The following RYR3 variants were observed in gnomAD, a reference collection of about 807,000 sequenced individuals.
RYR3 encodes ryanodine receptor 3.
In RYR3, 207 loss-of-function variants were observed where a neutral mutation model predicts 584.3. That is an observed-to-expected ratio of 0.35 (90% CI 0.32 to 0.40). The LOEUF is 0.40. Among genes scored for constraint, RYR3 ranks in the 10% least tolerant of loss-of-function variants. RYR3 has a pLI of 1.00. For synonymous variants in RYR3, 2,416 were observed against 2,248.5 expected (o/e 1.07, Z -2.11); for missense variants, 5,616 against 6,089.2 (o/e 0.92, Z 2.59).
chr15:33,334,922 A>G (rs1359631600), intron 1 of RYR3, among the ~76,000 whole-genome samples: 1 of 152,254 alleles, frequency 6.6e-6, no homozygotes, highest in Non-Finnish European at 1.5e-5. Context: ...CAAACATGAA[A>G]AAATGCTCAA....
intron 49 of RYR3, among the ~76,000 whole-genome samples, chr15:33,737,508 C>A (rs2069605879): frequency 6.6e-6 from 1 of 152,164 alleles, no homozygotes; most frequent in Non-Finnish European, 1.5e-5. Context: ...TCCAAGCGAG[C>A]ATTTCAGGCA....
chr15:33,603,439 G>T, intron 18 of RYR3, 75 bp downstream of exon 18: 2 of 1,438,554 alleles, frequency 1.4e-6, no homozygotes, highest in Admixed American at 2.3e-5. Context: ...AAGCTGAAAT[G>T]ACCACTTCCA....
intron 38 of RYR3, among the ~76,000 whole-genome samples, chr15:33,687,353 C>G (rs560052985): frequency 6.6e-4 from 101 of 152,304 alleles, no homozygotes; most frequent in Admixed American, 2.5e-3. Flanking sequence ...ATCCAACTTA[C>G]AAGGGATGTG....
intron 1 of RYR3, among the ~76,000 whole-genome samples, chr15:33,317,817 C>T (rs1048264873): frequency 9.2e-5 from 14 of 152,114 alleles, no homozygotes; most frequent in Admixed American, 4.6e-4. Flanking sequence ...TACAGTCATA[C>T]TCTGGGCTAT....
At chr15:33,467,529 C>T (rs2048586890) in intron 1 of RYR3, 6 of 968,742 alleles carry the variant, frequency 6.2e-6, no homozygotes, top group African/African-American at 1.8e-5. Context: ...AGGCAAGATC[C>T]ATTCATTTTC....
At chr15:33,511,868 TC>T (rs1220361568) in intron 3 of RYR3, among the ~76,000 whole-genome samples, 7 of 152,280 alleles carry the variant, frequency 4.6e-5, no homozygotes, top group African/African-American at 1.4e-4. Flanking sequence ...AAGCTCCACC[TC>T]CCGGGTTCAC....
intron 12 of RYR3, among the ~76,000 whole-genome samples, chr15:33,571,753 C>T (rs1261905548): frequency 1.3e-5 from 2 of 152,038 alleles, no homozygotes; most frequent in African/African-American, 4.8e-5. Flanking sequence ...GTCTGACAAT[C>T]TCTCCCTTTC....
chr15:33,810,698 T>C lies in RYR3; in HGVS notation c.10197+49T>C, dbSNP rs776397718. ...TGAGTGTGTGATCCACATGGTGCAG[T>C]GATAAGCATTCAGCCCCTGAAGGGT... On this transcript the variant is annotated intron_variant, in intron 71 of 103. Transcript: ENST00000634891. 5.0e-6 allele frequency: 8 copies of C among 1,609,276 alleles called. No individual in the cohort carries two copies. In the African/African-American group the frequency reaches 8.0e-5, roughly 16 times the overall value.
intron 98 of RYR3, among the ~76,000 whole-genome samples, chr15:33,857,445 C>G (rs2079808467): frequency 3.3e-5 from 5 of 152,054 alleles, no homozygotes; most frequent in Admixed American, 1.3e-4. Flanking sequence ...ACTTACTCAC[C>G]TCTTTGAAGG....
chr15:33,418,625 T>C (rs180827771), intron 1 of RYR3, among the ~76,000 whole-genome samples: 4 of 152,218 alleles, frequency 2.6e-5, no homozygotes, highest in African/African-American at 9.6e-5. Flanking sequence ...CCTATAGTGA[T>C]ATGTCAATAA....
At chr15:33,738,693 G>A in intron 50 of RYR3, 103 bp downstream of exon 50, 2 of 1,283,914 alleles carry the variant, frequency 1.6e-6, no homozygotes, top group South Asian at 1.4e-5. Flanking sequence ...GCCAGGACCT[G>A]TGCTAAGTAC....
intron 15 of RYR3, among the ~76,000 whole-genome samples, chr15:33,585,453 C>CA (rs952211683): frequency 5.9e-5 from 9 of 151,336 alleles, no homozygotes; most frequent in South Asian, 2.1e-4. Context: ...TCCAGTGTGC[C>CA]AAAAAAAAGG....
rs2077017593 is a variant in RYR3, at chr15:33,819,815, C to T, written c.10758+8C>T. The T allele has an allele frequency of 6.3e-7, 1 of 1,585,216 alleles. No homozygotes were observed. Among genetic ancestry groups the T allele is most frequent in the Non-Finnish European group, 8.6e-7 (1 of 1,162,836 alleles). ...TCCAGCATGATGGCCAAGGTACACCCAGGTTTTCTGCCCATTGTCTCTGTC... is the reference window on the plus strand; with the variant it reads ...TCCAGCATGATGGCCAAGGTACACCTAGGTTTTCTGCCCATTGTCTCTGTC... On this transcript the variant is annotated splice_region_variant and intron_variant, in intron 77 of 103. Transcript: ENST00000634891.
At position 33,840,871 on chromosome 15, in the gene RYR3, C is replaced by A. The variant is rs748659946; in HGVS notation, c.13025C>A (p.Ser4342Tyr). The A allele has an allele frequency of 1.2e-6, 2 of 1,613,802 alleles. No homozygotes were observed. Among genetic ancestry groups the A allele is most frequent in the Non-Finnish European group, 1.7e-6 (2 of 1,179,812 alleles). The change falls in exon 90 of 104, where the codon TCC becomes TAC. Residue 4342 changes from serine (S) to tyrosine (Y), a missense_variant. Ser to Tyr is a moderately radical substitution (Grantham distance 144, BLOSUM62 -2). This residue lies in a region of RYR3 where 918 missense variants were observed against 887.4 expected (regional missense o/e 1.03). Coordinates refer to ENST00000634891, the MANE Select transcript of RYR3 (RefSeq NM_001036.6). Reference protein sequence around the residue: ...AANEAEGKVESEKADMEDGEK... With the variant: ...AANEAEGKVEYEKADMEDGEK... ...AATGAAGCAGAAGGAAAAGTAGAAT[C>A]CGAGAAGGCAGAGTAAGTTCTTGGT...
chr15:33,785,775 C>T lies in RYR3; in HGVS notation c.9382C>T (p.Pro3128Ser), dbSNP rs1435268644. The T allele has an allele frequency of 3.7e-6, 6 of 1,613,972 alleles. 1 individual carries two copies. In the Admixed American group the frequency reaches 5.0e-5, roughly 13 times the overall value. The change falls in exon 66 of 104, where the codon CCC becomes TCC. Residue 3128 changes from proline (P) to serine (S), a missense_variant. Pro to Ser is a moderately conservative substitution (Grantham distance 74). Coordinates refer to ENST00000634891, the MANE Select transcript of RYR3 (RefSeq NM_001036.6). ...AESGARYTEM[P>S]HVIEVILPML... is the part of the protein sequence containing the mutation. ...GTCAGGGGCCCGGTACACAGAGATG[C>T]CCCATGTCATCGAGGTGATCTTACC...
chr15:33,853,474 C>T, intron 95 of RYR3, 81 bp from the exon 96 acceptor site: 1 of 1,515,796 alleles, frequency 6.6e-7, no homozygotes, highest in Non-Finnish European at 8.9e-7. Context: ...CATAGGGCAG[C>T]AAAGCTCTGA....
At chr15:33,633,909 C>T (rs544828490) in intron 24 of RYR3, among the ~76,000 whole-genome samples, 1 of 152,202 alleles carries the variant, frequency 6.6e-6, no homozygotes, top group South Asian at 2.1e-4. Flanking sequence ...GAGGCTATAG[C>T]AACTTAAATC....
chr15:33,601,352 T>G, intron 16 of RYR3, 67 bp from the exon 17 acceptor site: 5 of 1,529,072 alleles, frequency 3.3e-6, no homozygotes, highest in Non-Finnish European at 4.5e-6. Context: ...CCCTCATGCA[T>G]TGTGGTGGTC....
intron 27 of RYR3, 46 bp downstream of exon 27, chr15:33,636,596 G>A: frequency 1.3e-6 from 2 of 1,505,812 alleles, no homozygotes; most frequent in Non-Finnish European, 1.8e-6. Context: ...GAGGCTGGAG[G>A]AAAATATAGG....
Sources: gnomAD v4.1 joint callset for allele counts (sites outside exome capture counted in the v4.1 genomes callset) on GRCh38, gnomAD v4.1.1 for gene constraint, gnomAD v4.1.1 regional missense constraint, MANE v1.5 for transcripts, NCBI Gene and HGNC (gene_info 2026-07-23, HGNC 2026-07-21) for gene names.